Variants in SLC24A2 observed in about 807,000 individuals in gnomAD.
SLC24A2 encodes solute carrier family 24 member 2.
In SLC24A2, 36 loss-of-function variants were observed where a neutral mutation model predicts 62.0. The ratio of observed to expected loss-of-function variants is 0.58; its 90% CI spans 0.44 to 0.77. The LOEUF is 0.77. SLC24A2 is among the 30% of genes least tolerant of loss of function. The pLI is 0.00. For missense variants in SLC24A2, 846 were observed against 817.9 expected (o/e 1.03, Z -0.42); for synonymous variants, 358 against 294.0 (o/e 1.22, Z -2.23).
chr9:19,816,847 C>T, the SLC24A2 span, among the ~76,000 whole-genome samples: 3 of 151,796 alleles, frequency 2.0e-5, no homozygotes, highest in Admixed American at 2.0e-4. Flanking sequence ...TCCCATGATC[C>T]AATCACCTCC....
chr9:19,734,645 G>GC (rs1406303286), intron 2 of SLC24A2, among the ~76,000 whole-genome samples: 2 of 152,152 alleles, frequency 1.3e-5, no homozygotes, highest in Admixed American at 1.3e-4. Context: ...TCTCTTTGAA[G>GC]AATTGTGAAT....
chr9:19,550,325 A>G (rs1012363243), intron 7 of SLC24A2, 57 bp from the exon 8 acceptor site: 30 of 1,566,356 alleles, frequency 1.9e-5, no homozygotes, highest in Middle Eastern at 3.3e-4. Flanking sequence ...GTACACAGGC[A>G]CAACAACAGG....
Position 19,674,643 on chromosome 9 carries a change from C to T in SLC24A2, c.931-52344G>A, listed in dbSNP as rs531539636. ...TGAGTTCTGAAGTTCTTAGTTTGTTCGACTCTACTGCTGAGACTTTCCAGT... is the reference window on the plus strand; with the variant it reads ...TGAGTTCTGAAGTTCTTAGTTTGTTTGACTCTACTGCTGAGACTTTCCAGT... On this transcript the variant is annotated intron_variant, in intron 2 of 10. Coordinates refer to ENST00000341998, the MANE Select transcript of SLC24A2 (RefSeq NM_020344.4). Among the ~76,000 whole-genome samples, 297 of 152,078 alleles carry T rather than the reference C, an allele frequency of 2.0e-3. 1 individual carries two copies. The highest frequency in any genetic ancestry group is 3.6e-3 in the Non-Finnish European group (245 of 67,996).
chr9:19,841,847 ATCAGT>A, the SLC24A2 span, among the ~76,000 whole-genome samples: 8 of 152,212 alleles, frequency 5.3e-5, 1 homozygote, highest in Non-Finnish European at 1.2e-4. Flanking sequence ...TTCTGTGGAT[ATCAGT>A]AACACCAGCC....
the SLC24A2 span, among the ~76,000 whole-genome samples, chr9:19,845,863 G>A: frequency 6.6e-6 from 1 of 152,024 alleles, no homozygotes; most frequent in Non-Finnish European, 1.5e-5. Flanking sequence ...TCATTCAGGA[G>A]CAAGTTGTTT....
At chr9:20,074,703 G>A in the SLC24A2 span, among the ~76,000 whole-genome samples, 4 of 151,778 alleles carry the variant, frequency 2.6e-5, no homozygotes, top group African/African-American at 4.8e-5. Flanking sequence ...GTCTCTTTCC[G>A]GTAGAAGACA....
At chr9:20,121,357 G>A in the SLC24A2 span, among the ~76,000 whole-genome samples, 1 of 151,846 alleles carries the variant, frequency 6.6e-6, no homozygotes, top group Non-Finnish European at 1.5e-5. Context: ...TTTATTTGAT[G>A]CTATTATAAA....
the SLC24A2 span, among the ~76,000 whole-genome samples, chr9:20,270,394 C>T: frequency 6.6e-5 from 10 of 152,044 alleles, no homozygotes; most frequent in South Asian, 4.2e-4. Context: ...CCTCACAGGA[C>T]GTAATTTAAG....
the SLC24A2 span, among the ~76,000 whole-genome samples, chr9:20,004,246 C>T: frequency 3.9e-5 from 6 of 152,226 alleles, no homozygotes; most frequent in Non-Finnish European, 7.3e-5. Flanking sequence ...ACTTAGCCTC[C>T]TACCTTTGGA....
intron 8 of SLC24A2, among the ~76,000 whole-genome samples, chr9:19,539,171 A>AT (rs1462883513): frequency 1.0e-4 from 7 of 68,006 alleles, no homozygotes; most frequent in Admixed American, 1.6e-4. Context: ...GGATTCATTG[A>AT]TTTTTTGAAG....
chr9:19,633,465 T>C (rs1818228556), intron 2 of SLC24A2, among the ~76,000 whole-genome samples: 1 of 152,256 alleles, frequency 6.6e-6, no homozygotes, highest in African/African-American at 2.4e-5. Flanking sequence ...ATTGATATGA[T>C]CACTATTTTG....
chr9:20,131,149 A>G, the SLC24A2 span, among the ~76,000 whole-genome samples: 1 of 152,146 alleles, frequency 6.6e-6, no homozygotes, highest in African/African-American at 2.4e-5. Context: ...TTTTCAAAGA[A>G]GCAATACGCG....
intron 2 of SLC24A2, among the ~76,000 whole-genome samples, chr9:19,723,510 TG>T (rs1397689298): frequency 7.9e-5 from 12 of 152,194 alleles, no homozygotes; most frequent in African/African-American, 2.9e-4. Flanking sequence ...AGCCATAAGC[TG>T]TGTCTTTCAT....
At chr9:19,889,779 A>T in the SLC24A2 span, among the ~76,000 whole-genome samples, 1 of 152,180 alleles carries the variant, frequency 6.6e-6, no homozygotes, top group Non-Finnish European at 1.5e-5. Context: ...ACCTATGCCA[A>T]TGATTCATTC....
At chr9:20,087,321 A>G in the SLC24A2 span, among the ~76,000 whole-genome samples, 1 of 152,220 alleles carries the variant, frequency 6.6e-6, no homozygotes, top group Admixed American at 6.5e-5. Context: ...TAAAACAAGA[A>G]TGGAATGTTT....
the SLC24A2 span, among the ~76,000 whole-genome samples, chr9:20,107,745 A>G: frequency 0.24 from 37,011 of 151,432 alleles, 5,097 homozygotes; most frequent in East Asian, 0.58. Flanking sequence ...AAAAACCCTA[A>G]AAGAAAACCT....
chr9:20,226,394 T>C, the SLC24A2 span, among the ~76,000 whole-genome samples: 1 of 152,248 alleles, frequency 6.6e-6, no homozygotes, highest in East Asian at 1.9e-4. Context: ...AAAGAGACCA[T>C]AGTTGTCCAT....
At chr9:20,168,198 G>T in the SLC24A2 span, among the ~76,000 whole-genome samples, 1 of 152,002 alleles carries the variant, frequency 6.6e-6, no homozygotes, top group Non-Finnish European at 1.5e-5. Context: ...GAAAGAGAAA[G>T]ATTAAACAAA....
chr9:19,846,199 CA>C, the SLC24A2 span, among the ~76,000 whole-genome samples: 11 of 152,112 alleles, frequency 7.2e-5, no homozygotes, highest in Non-Finnish European at 7.3e-5. Flanking sequence ...GTGTTGAAGT[CA>C]CCCATTATTA....
Sources: allele counts gnomAD v4.1 joint callset (sites outside exome capture counted in the v4.1 genomes callset), GRCh38; gene constraint gnomAD v4.1.1; transcripts MANE v1.5; gene names NCBI Gene and HGNC (gene_info 2026-07-23, HGNC 2026-07-21).